TEAD4: variants seen among roughly 807,000 people sequenced by gnomAD.
The protein encoded by TEAD4 is TEA domain transcription factor 4, also known as transcriptional enhancer factor TEF-3.
A neutral mutation model predicts 52.4 loss-of-function variants in TEAD4; 36 were observed. That is an observed-to-expected ratio of 0.69 (90% CI 0.53 to 0.91). TEAD4 has a LOEUF of 0.91. Among genes scored for constraint, TEAD4 ranks in the 40% least tolerant of loss-of-function variants. The pLI is 0.00. For synonymous variants in TEAD4, 220 were observed against 231.0 expected (o/e 0.95, Z 0.43); for missense variants, 508 against 583.9 (o/e 0.87, Z 1.34).
intron 2 of TEAD4, among the ~76,000 whole-genome samples, chr12:2,976,308 G>A (rs1748916674): frequency 6.6e-6 from 1 of 151,344 alleles, no homozygotes; most frequent in Non-Finnish European, 1.5e-5. Context: ...CTCCACACCT[G>A]GCCATCTCAT....
chr12:3,024,138 G>C (rs1369652613), intron 10 of TEAD4, among the ~76,000 whole-genome samples: 2 of 151,654 alleles, frequency 1.3e-5, no homozygotes, highest in East Asian at 3.9e-4. Flanking sequence ...GCAGTGGCGT[G>C]ATCTTGGCTC....
chr12:2,962,795 T>C (rs541587596), intron 2 of TEAD4, among the ~76,000 whole-genome samples: 78 of 152,318 alleles, frequency 5.1e-4, no homozygotes, highest in South Asian at 1.2e-3. Context: ...ATGGGGAAAC[T>C]GATGCTCCTA....
At chr12:2,992,784 C>T (rs1225707310) in intron 2 of TEAD4, among the ~76,000 whole-genome samples, 2 of 151,958 alleles carry the variant, frequency 1.3e-5, no homozygotes, top group Non-Finnish European at 2.9e-5. Context: ...GTGGGAGGTA[C>T]GTGGTTCCCA....
intron 2 of TEAD4, among the ~76,000 whole-genome samples, chr12:2,984,523 G>T (rs113544107): frequency 6.6e-6 from 1 of 152,196 alleles, no homozygotes; most frequent in Non-Finnish European, 1.5e-5. Flanking sequence ...AAACAGTCAT[G>T]TGCTGCTTCA....
intron 10 of TEAD4, among the ~76,000 whole-genome samples, chr12:3,023,208 A>G (rs2098269865): frequency 6.6e-6 from 1 of 152,146 alleles, no homozygotes; most frequent in Non-Finnish European, 1.5e-5. Flanking sequence ...GGGCACATCT[A>G]TTGGCAGAGA....
intron 2 of TEAD4, among the ~76,000 whole-genome samples, chr12:2,985,230 A>G (rs1322670133): frequency 6.6e-6 from 1 of 151,838 alleles, no homozygotes; most frequent in Non-Finnish European, 1.5e-5. Flanking sequence ...TAAAAATACA[A>G]AAAAACTAGC....
chr12:3,006,284 G>C (rs1254334459), intron 3 of TEAD4, among the ~76,000 whole-genome samples: 1 of 152,170 alleles, frequency 6.6e-6, no homozygotes, highest in East Asian at 1.9e-4. Flanking sequence ...GGGATGCTCA[G>C]CTGGCAAGTA....
intron 2 of TEAD4, among the ~76,000 whole-genome samples, chr12:2,971,395 T>C (rs1449778441): frequency 6.6e-6 from 1 of 152,156 alleles, no homozygotes; most frequent in East Asian, 1.9e-4. Flanking sequence ...TTGAGGGCTA[T>C]TGTCATGAAG....
At chr12:2,977,101 G>A (rs2098230370) in intron 2 of TEAD4, among the ~76,000 whole-genome samples, 1 of 142,070 alleles carries the variant, frequency 7.0e-6, no homozygotes, top group Admixed American at 7.1e-5. Flanking sequence ...GGACATGATG[G>A]AATTCAATCC....
chr12:3,007,727 A>G (rs1254447675), intron 3 of TEAD4, among the ~76,000 whole-genome samples: 3 of 152,190 alleles, frequency 2.0e-5, no homozygotes, highest in Non-Finnish European at 2.9e-5. Flanking sequence ...TTTTAACCTA[A>G]TTTTGTATTT....
intron 10 of TEAD4, among the ~76,000 whole-genome samples, chr12:3,028,578 T>G (rs2098273478): frequency 1.3e-5 from 2 of 152,234 alleles, no homozygotes; most frequent in South Asian, 4.1e-4. Flanking sequence ...TTTCATGTGC[T>G]TACTGGCCAT....
chr12:3,018,670 C>A, intron 7 of TEAD4, 82 bp downstream of exon 7: 13 of 1,582,558 alleles, frequency 8.2e-6, no homozygotes, highest in Non-Finnish European at 1.1e-5. Context: ...TAAGCCTGGG[C>A]CCCAGGGTGT....
chr12:2,963,996 A>G (rs1482338223), intron 2 of TEAD4, among the ~76,000 whole-genome samples: 1 of 150,072 alleles, frequency 6.7e-6, no homozygotes, highest in Non-Finnish European at 1.5e-5. Context: ...GTGCAGAGCC[A>G]GGGGTGACCC....
At chr12:3,010,236 C>T (rs11062457) in intron 3 of TEAD4, among the ~76,000 whole-genome samples, 22,538 of 152,276 alleles carry the variant, frequency 0.15, 2,932 homozygotes, top group African/African-American at 0.33. Context: ...GGGCACATGC[C>T]GCTCCTGAAC....
intron 10 of TEAD4, among the ~76,000 whole-genome samples, chr12:3,029,307 G>A (rs944416337): frequency 2.8e-5 from 4 of 141,992 alleles, no homozygotes; most frequent in Middle Eastern, 3.9e-3. Flanking sequence ...GCATGATCTC[G>A]GCTCACTGCA....
chr12:2,963,037 G>A (rs529449469), intron 2 of TEAD4, among the ~76,000 whole-genome samples: 2 of 152,170 alleles, frequency 1.3e-5, no homozygotes, highest in Non-Finnish European at 2.9e-5. Context: ...ACTCTGCTCC[G>A]ACCTGGCAGA....
At position 3,021,864 on chromosome 12, in the gene TEAD4, G is replaced by A; in HGVS notation, c.744G>A (p.Val248=). The A allele has an allele frequency of 6.2e-7, 1 of 1,614,168 alleles. No homozygotes were observed. Among genetic ancestry groups the A allele is most frequent in the Non-Finnish European group, 8.5e-7 (1 of 1,180,030 alleles). The stretch of plus-strand genomic sequence containing the variant: ...CACAGTACAACAAGCACCTGTTCGT[G>A]CACATTGGCCAGTCCAGCCCAAGCT... The change falls in exon 10 of 13, where the codon GTG becomes GTA. Residue 248 remains valine, a synonymous_variant. Coordinates refer to ENST00000359864, the MANE Select transcript of TEAD4 (RefSeq NM_003213.4).
intron 5 of TEAD4, among the ~76,000 whole-genome samples, 155 bp downstream of exon 5, chr12:3,012,387 T>C (rs375698514): frequency 1.2e-4 from 19 of 152,248 alleles, no homozygotes; most frequent in Middle Eastern, 3.4e-3. Context: ...CTCTCTCCCA[T>C]CCGCACAAGA....
intron 11 of TEAD4, among the ~76,000 whole-genome samples, chr12:3,039,632 T>G (rs2153958927): frequency 6.6e-6 from 1 of 152,250 alleles, no homozygotes; most frequent in South Asian, 2.1e-4. Context: ...CGGTTCCTGC[T>G]GGCCACCCAT....
Sources: gnomAD v4.1 joint callset for allele counts (sites outside exome capture counted in the v4.1 genomes callset) on GRCh38, gnomAD v4.1.1 for gene constraint, MANE v1.5 for transcripts, NCBI Gene and HGNC (gene_info 2026-07-23, HGNC 2026-07-21) for gene names.